SIN3A: variants seen among roughly 807,000 people sequenced by gnomAD.
SIN3A encodes the protein paired amphipathic helix protein Sin3a.
SIN3A carries 14 observed loss-of-function variants against 146.1 expected under a neutral mutation model. The observed-to-expected ratio is 0.10, with a 90% CI of 0.06 to 0.15. SIN3A has a LOEUF of 0.15. Ranked by LOEUF, SIN3A falls within the 10% of genes least tolerant of loss-of-function variation. The pLI is 1.00. For synonymous variants in SIN3A, 572 were observed against 572.0 expected (o/e 1.00, Z 0.00); for missense variants, 1,028 against 1,576.0 (o/e 0.65, Z 5.89).
chr15:75,441,847 C>T (rs1000840158), intron 1 of SIN3A, among the ~76,000 whole-genome samples: 4 of 151,994 alleles, frequency 2.6e-5, no homozygotes, highest in Non-Finnish European at 4.4e-5. Flanking sequence ...CCAGGCTGAG[C>T]GTGTGGCTCT....
intron 1 of SIN3A, among the ~76,000 whole-genome samples, chr15:75,438,198 T>G (rs1464834851): frequency 1.3e-5 from 2 of 152,028 alleles, no homozygotes; most frequent in Non-Finnish European, 2.9e-5. Flanking sequence ...CTGTCTTTAC[T>G]AAAGCACGAA....
Position 75,430,340 on chromosome 15 carries a change from C to T in SIN3A, c.36G>A (p.Val12=), listed in dbSNP as rs781231661. The part of the protein sequence containing the change: ...KRRLDDQESP[V]YAAQQRRIPG... Reference sequence around the variant, plus strand: ...GGATCCGACGCTGCTGGGCTGCATACACCGGTGACTCCTGGTCATCCAAAC... The same window carrying T: ...GGATCCGACGCTGCTGGGCTGCATATACCGGTGACTCCTGGTCATCCAAAC... Residue 12 remains valine, a synonymous_variant, in exon 2 of 21, where the codon GTG becomes GTA. Transcript: ENST00000394947. The T allele has an allele frequency of 3.1e-6, 5 of 1,613,782 alleles. No individual in the cohort carries two copies. In the Admixed American group the frequency reaches 8.3e-5, roughly 27 times the overall value.
chr15:75,449,894 C>T (rs1567438818), intron 1 of SIN3A, among the ~76,000 whole-genome samples: 1 of 152,192 alleles, frequency 6.6e-6, no homozygotes, highest in Non-Finnish European at 1.5e-5. Flanking sequence ...ATTCTCCTGC[C>T]TCAGCCTCCC....
In SIN3A at chr15:75,401,875, C is replaced by T; in HGVS notation, c.1503G>A (p.Val501=). Residue 501 remains valine, a synonymous_variant, in exon 10 of 21, where the codon GTG becomes GTA. Coordinates refer to ENST00000394947, the MANE Select transcript of SIN3A (RefSeq NM_001145358.2). ...ACCCCAGGAAAGGAGAGACTAGTTG[C>T]ACAAGCTCAGCACGAGAGATCACCT... ...NQEVISRAEL[V]QLVSPFLGKF... 3.1e-6 allele frequency: 5 copies of T among 1,612,540 alleles called. No homozygotes were observed. The highest frequency in any genetic ancestry group is 4.2e-6 in the Non-Finnish European group (5 of 1,178,568).
At chr15:75,395,331 A>G (rs1237717865) in intron 13 of SIN3A, among the ~76,000 whole-genome samples, 2 of 152,224 alleles carry the variant, frequency 1.3e-5, no homozygotes, top group African/African-American at 4.8e-5. Context: ...ACTAAGACAA[A>G]AAAAAGCACT....
chr15:75,431,343 G>A (rs1012113927), intron 1 of SIN3A, among the ~76,000 whole-genome samples: 4 of 152,176 alleles, frequency 2.6e-5, no homozygotes, highest in African/African-American at 9.7e-5. Flanking sequence ...GTTATAAGAA[G>A]AGATTCTCTT....
At chr15:75,446,936 GCTAACT>G (rs756886876) in intron 1 of SIN3A, among the ~76,000 whole-genome samples, 14 of 152,022 alleles carry the variant, frequency 9.2e-5, no homozygotes, top group Non-Finnish European at 1.6e-4. Flanking sequence ...ACCATGCCCG[GCTAACT>G]CTTTTGTATT....
At chr15:75,430,977 C>T (rs918376797) in intron 1 of SIN3A, among the ~76,000 whole-genome samples, 13 of 152,182 alleles carry the variant, frequency 8.5e-5, no homozygotes, top group African/African-American at 3.1e-4. Context: ...GGGGTTTCAC[C>T]GAGTTACCCA....
At chr15:75,442,362 G>C (rs1204381877) in intron 1 of SIN3A, among the ~76,000 whole-genome samples, 5 of 149,350 alleles carry the variant, frequency 3.3e-5, no homozygotes, top group Non-Finnish European at 7.4e-5. Flanking sequence ...AAATAGAAAT[G>C]GGGTCTCACT....
intron 3 of SIN3A, among the ~76,000 whole-genome samples, chr15:75,417,622 G>A (rs988205099): frequency 2.6e-5 from 4 of 151,944 alleles, no homozygotes; most frequent in East Asian, 1.9e-4. Flanking sequence ...CAACTGATCC[G>A]CCTGCCTCAG....
At chr15:75,452,837 A>T (rs982866381), upstream of SIN3A, 1 of 152,276 alleles carries the variant, frequency 6.6e-6, no homozygotes, top group African/African-American at 2.4e-5. Flanking sequence ...GAATGGATAA[A>T]ATTTCCGTAG....
chr15:75,451,103 T>C (rs1455257042), intron 1 of SIN3A, among the ~76,000 whole-genome samples: 1 of 124,980 alleles, frequency 8.0e-6, no homozygotes, highest in Non-Finnish European at 1.6e-5. Context: ...GAGGGGGTGG[T>C]CGGCCGCAAA....
intron 8 of SIN3A, among the ~76,000 whole-genome samples, chr15:75,407,773 G>A (rs964203497): frequency 1.3e-4 from 19 of 150,920 alleles, no homozygotes; most frequent in African/African-American, 4.4e-4. Flanking sequence ...TGCGCCTATG[G>A]TCCCAGCTAC....
At chr15:75,395,354 T>C (rs2073282549) in intron 13 of SIN3A, among the ~76,000 whole-genome samples, 1 of 151,966 alleles carries the variant, frequency 6.6e-6, no homozygotes, top group Admixed American at 6.6e-5. Context: ...AACTGAAGAA[T>C]AACCTGTATC....
chr15:75,415,943 G>C, intron 3 of SIN3A: 1 of 332,082 alleles, frequency 3.0e-6, no homozygotes. Context: ...TGGCAGGGAG[G>C]GGAATAACCT....
At chr15:75,410,346 G>T in intron 6 of SIN3A, 60 bp from the exon 7 acceptor site, 1 of 1,521,822 alleles carries the variant, frequency 6.6e-7, no homozygotes, top group Non-Finnish European at 9.0e-7. Context: ...ACTCATCTTT[G>T]CACGCTTTCT....
chr15:75,405,428 G>A (rs969982582), intron 9 of SIN3A, among the ~76,000 whole-genome samples: 4 of 150,224 alleles, frequency 2.7e-5, no homozygotes, highest in African/African-American at 7.3e-5. Flanking sequence ...TATTGAGTCC[G>A]TGTCAAGTTC....
intron 6 of SIN3A, 118 bp downstream of exon 6, chr15:75,411,374 G>C (rs1047636390): frequency 3.5e-6 from 4 of 1,137,246 alleles, no homozygotes; most frequent in Non-Finnish European, 5.0e-6. Flanking sequence ...ATGCATGATA[G>C]TTTCTAACTG....
intron 2 of SIN3A, among the ~76,000 whole-genome samples, chr15:75,428,974 C>T (rs757915481): frequency 6.6e-5 from 10 of 152,130 alleles, no homozygotes; most frequent in Non-Finnish European, 1.2e-4. Flanking sequence ...ATTTTCTCTT[C>T]CTTATGATTT....
Sources: allele counts gnomAD v4.1 joint callset (sites outside exome capture counted in the v4.1 genomes callset), GRCh38; gene constraint gnomAD v4.1.1; transcripts MANE v1.5; gene names NCBI Gene and HGNC (gene_info 2026-07-23, HGNC 2026-07-21).